ABTB3: variants seen among roughly 807,000 people sequenced by gnomAD.
ABTB3 encodes the protein ankyrin repeat and BTB domain containing 3.
the ABTB3 span, among the ~76,000 whole-genome samples, chr12:107,346,778 G>A: frequency 1.1e-4 from 17 of 152,114 alleles, no homozygotes; most frequent in African/African-American, 4.1e-4. Flanking sequence ...TTAATTTTTT[G>A]TCAATAAAAA....
chr12:107,454,308 TA>T, the ABTB3 span, among the ~76,000 whole-genome samples: 2 of 152,206 alleles, frequency 1.3e-5, no homozygotes. Flanking sequence ...GGCCCCTTGT[TA>T]AAAATCATTA....
chr12:107,368,174 C>T, the ABTB3 span, among the ~76,000 whole-genome samples: 5 of 152,200 alleles, frequency 3.3e-5, no homozygotes, highest in African/African-American at 2.4e-5. Context: ...ATATCCATCC[C>T]GTTAATAAGA....
chr12:107,515,547 C>T, the ABTB3 span, among the ~76,000 whole-genome samples: 1 of 152,284 alleles, frequency 6.6e-6, no homozygotes, highest in African/African-American at 2.4e-5. Flanking sequence ...GTCAGAGACA[C>T]CAGGACCATC....
the ABTB3 span, among the ~76,000 whole-genome samples, chr12:107,505,998 C>T: frequency 6.6e-6 from 1 of 152,246 alleles, no homozygotes; most frequent in East Asian, 1.9e-4. Flanking sequence ...TGGACATATG[C>T]ATGCATGTGT....
At chr12:107,360,984 C>T in the ABTB3 span, among the ~76,000 whole-genome samples, 1 of 114,758 alleles carries the variant, frequency 8.7e-6, no homozygotes, top group African/African-American at 3.5e-5. Context: ...GTTGCTCAGG[C>T]TGGTGTCAAA....
the ABTB3 span, among the ~76,000 whole-genome samples, chr12:107,648,160 T>C: frequency 6.6e-6 from 1 of 152,006 alleles, no homozygotes; most frequent in Non-Finnish European, 1.5e-5. Context: ...GTGGACAGAT[T>C]GCCTGAGCTC....
the ABTB3 span, among the ~76,000 whole-genome samples, chr12:107,496,518 C>A: frequency 3.2e-3 from 482 of 152,244 alleles, 4 homozygotes; most frequent in African/African-American, 0.011. Flanking sequence ...ATGGAGGCAG[C>A]AAAGATGACC....
At chr12:107,531,696 T>C in the ABTB3 span, among the ~76,000 whole-genome samples, 7,132 of 152,176 alleles carry the variant, frequency 0.047, 554 homozygotes, top group African/African-American at 0.16. Flanking sequence ...AACTGCATTA[T>C]TCCAGAGAGG....
At chr12:107,469,498 G>A in the ABTB3 span, among the ~76,000 whole-genome samples, 204 of 152,290 alleles carry the variant, frequency 1.3e-3, no homozygotes, top group African/African-American at 4.5e-3. Context: ...TTCCCATAAG[G>A]AGTAAGTTAG....
chr12:107,472,010 A>C, the ABTB3 span, among the ~76,000 whole-genome samples: 1 of 152,184 alleles, frequency 6.6e-6, no homozygotes, highest in Non-Finnish European at 1.5e-5. Flanking sequence ...TGCAGTCTCT[A>C]GGGCTCCTGA....
chr12:107,495,052 AG>A, the ABTB3 span, among the ~76,000 whole-genome samples: 2 of 152,128 alleles, frequency 1.3e-5, no homozygotes, highest in Non-Finnish European at 2.9e-5. Flanking sequence ...AGGGGAAGGT[AG>A]GGGGTGGCCA....
chr12:107,471,891 C>A, the ABTB3 span, among the ~76,000 whole-genome samples: 1 of 152,164 alleles, frequency 6.6e-6, no homozygotes. Context: ...TCCCTTCTGT[C>A]CCCTTAGATC....
At chr12:107,444,165 G>A in the ABTB3 span, among the ~76,000 whole-genome samples, 1 of 152,252 alleles carries the variant, frequency 6.6e-6, no homozygotes, top group Non-Finnish European at 1.5e-5. Context: ...GTCCTGCAGA[G>A]AGAAGCTGGG....
the ABTB3 span, among the ~76,000 whole-genome samples, chr12:107,484,745 G>A: frequency 1.3e-5 from 2 of 152,136 alleles, no homozygotes; most frequent in Non-Finnish European, 2.9e-5. Flanking sequence ...AAGTTGTCAG[G>A]ACCAGGTGCT....
the ABTB3 span, among the ~76,000 whole-genome samples, chr12:107,360,952 T>G: frequency 6.2e-5 from 9 of 146,336 alleles, no homozygotes; most frequent in African/African-American, 2.3e-4. Flanking sequence ...TTTTTTTTTT[T>G]GTAGAAACAG....
chr12:107,498,286 T>C, the ABTB3 span, among the ~76,000 whole-genome samples: 1 of 152,004 alleles, frequency 6.6e-6, no homozygotes, highest in Non-Finnish European at 1.5e-5. Flanking sequence ...AGATCCTGAG[T>C]TTTAAAGTGA....
chr12:107,634,887 G>C, the ABTB3 span: 1 of 154,918 alleles, frequency 6.5e-6, no homozygotes, highest in South Asian at 2.1e-4. Flanking sequence ...GCTAATTTCA[G>C]GATAATTCTC....
At chr12:107,386,765 A>T in the ABTB3 span, among the ~76,000 whole-genome samples, 1 of 151,962 alleles carries the variant, frequency 6.6e-6, no homozygotes, top group Non-Finnish European at 1.5e-5. Context: ...TTTCTGTGTT[A>T]CATCTTTTTC....
At chr12:107,376,465 A>G in the ABTB3 span, among the ~76,000 whole-genome samples, 73 of 152,280 alleles carry the variant, frequency 4.8e-4, no homozygotes, top group East Asian at 9.3e-3. Context: ...TTAACTGAAC[A>G]ATGGGCTTAT....
Sources: allele counts gnomAD v4.1 joint callset (sites outside exome capture counted in the v4.1 genomes callset), GRCh38; gene constraint gnomAD v4.1.1; transcripts MANE v1.5; gene names NCBI Gene and HGNC (gene_info 2026-07-23, HGNC 2026-07-21).